RBFOX1: variants seen among roughly 807,000 people sequenced by gnomAD.
RBFOX1 encodes the protein RNA binding protein fox-1 homolog 1.
RBFOX1 carries 8 observed loss-of-function variants against 57.7 expected under a neutral mutation model. The observed-to-expected ratio is 0.14, with a 90% CI of 0.08 to 0.25. RBFOX1 has a LOEUF of 0.25. Ranked by LOEUF, RBFOX1 falls within the 10% of genes least tolerant of loss-of-function variation. RBFOX1 has a pLI of 1.00. For synonymous variants in RBFOX1, 326 were observed against 222.4 expected, an observed-to-expected ratio of 1.47 and a Z score of -4.15; for missense variants, 611 against 548.5, an observed-to-expected ratio of 1.11 and a Z score of -1.14.
chr16:5,948,041 C>G (rs576129630), intron 4 of RBFOX1, among the ~76,000 whole-genome samples: 1 of 152,272 alleles, frequency 6.6e-6, no homozygotes, highest in African/African-American at 2.4e-5. Flanking sequence ...AGAACCAACG[C>G]TGCTCAGGAG....
intron 4 of RBFOX1, among the ~76,000 whole-genome samples, chr16:7,477,040 C>T (rs149182098): frequency 4.5e-4 from 69 of 152,264 alleles, no homozygotes; most frequent in Non-Finnish European, 8.4e-4. Context: ...AGGCTGGAAC[C>T]GTGGGTAACA....
At chr16:7,314,083 C>G (rs777942775) in intron 4 of RBFOX1, among the ~76,000 whole-genome samples, 2 of 151,984 alleles carry the variant, frequency 1.3e-5, no homozygotes, top group Non-Finnish European at 2.9e-5. Context: ...TGAATTGCAA[C>G]AAACCATGAG....
intron 3 of RBFOX1, among the ~76,000 whole-genome samples, chr16:5,705,772 T>A (rs1261416934): frequency 2.6e-5 from 4 of 152,204 alleles, no homozygotes; most frequent in Non-Finnish European, 5.9e-5. Flanking sequence ...TCTGTCATTC[T>A]CCTGGGATAC....
At chr16:6,499,806 A>T (rs2095864180) in intron 2 of RBFOX1, among the ~76,000 whole-genome samples, 1 of 152,162 alleles carries the variant, frequency 6.6e-6, no homozygotes, top group South Asian at 2.1e-4. Context: ...TCCAGTCATT[A>T]GGGCATTCGC....
intron 2 of RBFOX1, among the ~76,000 whole-genome samples, chr16:5,580,817 G>T (rs1346885159): frequency 6.6e-6 from 1 of 152,188 alleles, no homozygotes; most frequent in South Asian, 2.1e-4. Flanking sequence ...CTGTAGGGCA[G>T]ATGGCATTTA....
chr16:5,748,606 A>T (rs866684601), intron 3 of RBFOX1, among the ~76,000 whole-genome samples: 1 of 152,034 alleles, frequency 6.6e-6, no homozygotes, highest in Non-Finnish European at 1.5e-5. Context: ...TGTTGAATTG[A>T]TCCCTTTACC....
At chr16:6,983,215 C>T (rs1420851850) in intron 3 of RBFOX1, among the ~76,000 whole-genome samples, 1 of 152,040 alleles carries the variant, frequency 6.6e-6, no homozygotes, top group Non-Finnish European at 1.5e-5. Context: ...CTGACTCTGT[C>T]ACCCGCTTTA....
chr16:6,737,257 C>T (rs779945730), intron 3 of RBFOX1, among the ~76,000 whole-genome samples: 3 of 152,108 alleles, frequency 2.0e-5, no homozygotes, highest in African/African-American at 4.8e-5. Context: ...TGCATTTCCC[C>T]GTATTTCTTC....
chr16:6,815,929 GAAGT>G (rs1283079272), intron 3 of RBFOX1, among the ~76,000 whole-genome samples: 18 of 152,344 alleles, frequency 1.2e-4, no homozygotes, highest in African/African-American at 4.3e-4. Flanking sequence ...ACTGTCTTGA[GAAGT>G]AAGAAACTTG....
chr16:6,876,003 T>C (rs987885475), intron 3 of RBFOX1, among the ~76,000 whole-genome samples: 2 of 151,076 alleles, frequency 1.3e-5, no homozygotes, highest in Admixed American at 1.3e-4. Flanking sequence ...TCTCAAAAAA[T>C]AATAATTCCA....
At chr16:5,558,789 T>C (rs759764548) in intron 2 of RBFOX1, among the ~76,000 whole-genome samples, 1 of 152,068 alleles carries the variant, frequency 6.6e-6, no homozygotes, top group Non-Finnish European at 1.5e-5. Context: ...GGTGTGTAAT[T>C]TGGATTCACT....
At chr16:5,352,427 C>G (rs557007308) in intron 1 of RBFOX1, among the ~76,000 whole-genome samples, 31 of 152,322 alleles carry the variant, frequency 2.0e-4, no homozygotes, top group African/African-American at 7.2e-4. Context: ...AATGAACACC[C>G]TATCTACCCT....
chr16:7,701,320 C>A (rs1051884343), intron 14 of RBFOX1, among the ~76,000 whole-genome samples: 1 of 152,242 alleles, frequency 6.6e-6, no homozygotes, highest in African/African-American at 2.4e-5. Context: ...GGGGGGTGAG[C>A]AACGCTTCCT....
At chr16:7,681,047 C>T (rs879883549) in intron 14 of RBFOX1, among the ~76,000 whole-genome samples, 7 of 152,132 alleles carry the variant, frequency 4.6e-5, no homozygotes, top group African/African-American at 7.2e-5. Context: ...TTAAATATGA[C>T]ATTCATAACC....
chr16:6,656,894 TCCC>T (rs1437156942), intron 3 of RBFOX1, among the ~76,000 whole-genome samples: 23 of 143,374 alleles, frequency 1.6e-4, no homozygotes, highest in East Asian at 6.5e-4. Context: ...TCTCCTCTCC[TCCC>T]CTCAACTCTC....
chr16:6,427,408 AG>A (rs1225021148), intron 2 of RBFOX1, among the ~76,000 whole-genome samples: 1 of 152,220 alleles, frequency 6.6e-6, no homozygotes, highest in Non-Finnish European at 1.5e-5. Context: ...TACAGGGAGT[AG>A]TTCTGAACGC....
chr16:5,803,703 A>C (rs17792339), intron 3 of RBFOX1, among the ~76,000 whole-genome samples: 56,940 of 152,062 alleles, frequency 0.37, 11,273 homozygotes, highest in South Asian at 0.51. Context: ...GTACCATACT[A>C]GGCACAGAGT....
At chr16:5,811,143 A>ATTTTTTTTT (rs374827330) in intron 3 of RBFOX1, among the ~76,000 whole-genome samples, 7 of 104,570 alleles carry the variant, frequency 6.7e-5, no homozygotes, top group South Asian at 3.4e-4. Flanking sequence ...TATGGAACAA[A>ATTTTTTTTT]TTTTTTTTTT....
chr16:6,785,827 A>ACAGAGCTAGTAAGTGG (rs138059556), intron 3 of RBFOX1, among the ~76,000 whole-genome samples: 16,683 of 152,108 alleles, frequency 0.11, 1,035 homozygotes, highest in African/African-American at 0.16. Context: ...ACTTTAGAAT[A>ACAGAGCTAGTAAGTGG]CAGAGCTAGA....
Sources: allele counts gnomAD v4.1 joint callset (sites outside exome capture counted in the v4.1 genomes callset), GRCh38; gene constraint gnomAD v4.1.1; transcripts MANE v1.5; gene names NCBI Gene and HGNC (gene_info 2026-07-23, HGNC 2026-07-21).